The following EML4 variants were observed in gnomAD, a reference collection of about 807,000 sequenced individuals.
The protein encoded by EML4 is EMAP like 4, also known as echinoderm microtubule-associated protein-like 4.
In EML4, 72 loss-of-function variants were observed where a neutral mutation model predicts 129.0. The observed-to-expected ratio is 0.56, with a 90% CI of 0.46 to 0.68. EML4 has a LOEUF of 0.68. Ranked by LOEUF, EML4 falls within the 30% of genes least tolerant of loss-of-function variation. The pLI is 0.00. For missense variants in EML4, 1,363 were observed against 1,190.6 expected (o/e 1.14, Z -2.13); for synonymous variants, 532 against 405.0 (o/e 1.31, Z -3.77).
Position 42,291,155 on chromosome 2 carries a change from A to G in EML4, c.1218+2833A>G, listed in dbSNP as rs1403164508. On this transcript the variant is annotated intron_variant, in intron 11 of 22. Coordinates refer to ENST00000318522, the MANE Select transcript of EML4 (RefSeq NM_019063.5). ...TAGGCGCAGAATAATGTTTTCAGTG[A>G]ATGGTGCTGGCTTAATTGGATACTC... is the stretch of plus-strand genomic sequence containing the variant. Among the ~76,000 whole-genome samples, 4 of 152,296 alleles carry G rather than the reference A, an allele frequency of 2.6e-5. No individual in the cohort carries two copies. The East Asian group carries it at 5.8e-4, about 22-fold the overall frequency.
chr2:42,236,803 A>G (rs902741809), intron 1 of EML4, among the ~76,000 whole-genome samples: 1 of 151,998 alleles, frequency 6.6e-6, no homozygotes, highest in South Asian at 2.1e-4. Flanking sequence ...GTATCCCTCC[A>G]TATCTTTGGG....
intron 6 of EML4, among the ~76,000 whole-genome samples, chr2:42,271,831 A>C (rs912526753): frequency 6.6e-6 from 1 of 152,190 alleles, no homozygotes; most frequent in Non-Finnish European, 1.5e-5. Context: ...GGCCGGGCAC[A>C]GTGGCTCATG....
chr2:42,242,707 C>G (rs1293915516), intron 1 of EML4, among the ~76,000 whole-genome samples: 1 of 150,056 alleles, frequency 6.7e-6, no homozygotes, highest in South Asian at 2.1e-4. Flanking sequence ...CTTTTCTTTT[C>G]TTTCCTTTTC....
intron 13 of EML4, among the ~76,000 whole-genome samples, chr2:42,298,432 G>A (rs1668075702): frequency 6.6e-6 from 1 of 152,138 alleles, no homozygotes; most frequent in South Asian, 2.1e-4. Context: ...ATTTTCCTTG[G>A]CAGGGATTTC....
At chr2:42,319,975 ATAAAG>A (rs1272913290) in intron 19 of EML4, 1 of 152,232 alleles carries the variant, frequency 6.6e-6, no homozygotes, top group Non-Finnish European at 1.5e-5. Flanking sequence ...AATAAAAATA[ATAAAG>A]TAAATCTTAT....
chr2:42,187,901 G>A (rs868473239), intron 1 of EML4, among the ~76,000 whole-genome samples: 39 of 151,890 alleles, frequency 2.6e-4, no homozygotes, highest in African/African-American at 9.4e-4. Flanking sequence ...TACTTTTTGT[G>A]TCCTACTTAA....
intron 1 of EML4, among the ~76,000 whole-genome samples, chr2:42,198,856 T>C (rs1358118418): frequency 6.6e-6 from 1 of 152,230 alleles, no homozygotes; most frequent in Admixed American, 6.5e-5. Flanking sequence ...TGTCTCTCTC[T>C]GCAGTACCCA....
At chr2:42,246,418 G>A (rs915299974) in intron 2 of EML4, among the ~76,000 whole-genome samples, 1 of 152,228 alleles carries the variant, frequency 6.6e-6, no homozygotes, top group Admixed American at 6.5e-5. Flanking sequence ...TGGGAAAAGT[G>A]AGGACATTTA....
intron 3 of EML4, among the ~76,000 whole-genome samples, chr2:42,258,984 C>A (rs1042062622): frequency 5.3e-5 from 8 of 152,150 alleles, no homozygotes; most frequent in Admixed American, 5.2e-4. Context: ...CAGTGGCTCA[C>A]GCCTGTAATC....
chr2:42,233,970 G>A (rs1201816557), intron 1 of EML4, among the ~76,000 whole-genome samples: 3 of 152,174 alleles, frequency 2.0e-5, no homozygotes, highest in Admixed American at 6.5e-5. Context: ...AAGAAGATCC[G>A]AAAAGTAGTG....
chr2:42,289,913 C>CAGAA (rs1667529285), intron 11 of EML4: 1 of 55,832 alleles, frequency 1.8e-5, no homozygotes, highest in Non-Finnish European at 3.9e-5. Flanking sequence ...ACTAAAAATA[C>CAGAA]AAAAAAAAAA....
chr2:42,274,408 G>A (rs1666540159), intron 6 of EML4, among the ~76,000 whole-genome samples: 1 of 152,074 alleles, frequency 6.6e-6, no homozygotes, highest in Non-Finnish European at 1.5e-5. Flanking sequence ...CCAAATCCCC[G>A]AAGTTCTGCT....
At chr2:42,272,045 G>A (rs1666401000) in intron 6 of EML4, among the ~76,000 whole-genome samples, 1 of 143,592 alleles carries the variant, frequency 7.0e-6, no homozygotes, top group South Asian at 2.2e-4. Flanking sequence ...GGAGTTTGCA[G>A]TGAGCTGAGA....
At chr2:42,211,076 T>TA (rs1366334074) in intron 1 of EML4, among the ~76,000 whole-genome samples, 4 of 152,228 alleles carry the variant, frequency 2.6e-5, no homozygotes, top group African/African-American at 9.6e-5. Flanking sequence ...TTTGCAACTA[T>TA]AACTCTTTTT....
intron 1 of EML4, among the ~76,000 whole-genome samples, chr2:42,218,447 C>A (rs1401378515): frequency 2.0e-5 from 3 of 152,138 alleles, no homozygotes; most frequent in Admixed American, 1.3e-4. Flanking sequence ...CCCTCCCCCG[C>A]TGCCCCTAGT....
intron 6 of EML4, among the ~76,000 whole-genome samples, chr2:42,274,936 A>G (rs1011070392): frequency 6.6e-6 from 1 of 152,168 alleles, no homozygotes; most frequent in Non-Finnish European, 1.5e-5. Flanking sequence ...GAGCAGAAAC[A>G]TCTTCCTCTT....
At chr2:42,271,544 T>A (rs894547425) in intron 6 of EML4, among the ~76,000 whole-genome samples, 11 of 152,196 alleles carry the variant, frequency 7.2e-5, no homozygotes, top group African/African-American at 1.2e-4. Context: ...TCTAAGAACA[T>A]GTTCTTGACA....
chr2:42,182,282 A>G (rs1670992319), intron 1 of EML4, among the ~76,000 whole-genome samples: 1 of 149,880 alleles, frequency 6.7e-6, no homozygotes, highest in Non-Finnish European at 1.5e-5. Flanking sequence ...AGCATTAGGT[A>G]TATCTCCCAG....
chr2:42,250,320 G>A (rs903642710), intron 2 of EML4, among the ~76,000 whole-genome samples: 2 of 152,148 alleles, frequency 1.3e-5, no homozygotes, highest in Admixed American at 1.3e-4. Context: ...ATACTCTAAA[G>A]GCACAGATTT....
Sources: allele counts gnomAD v4.1 joint callset (sites outside exome capture counted in the v4.1 genomes callset), GRCh38; gene constraint gnomAD v4.1.1; transcripts MANE v1.5; gene names NCBI Gene and HGNC (gene_info 2026-07-23, HGNC 2026-07-21).